Variants in PTCH1 observed in about 807,000 individuals in gnomAD.
PTCH1 encodes the protein patched 1, also known as protein patched homolog 1.
Under a neutral mutation model 144.6 loss-of-function variants are expected in PTCH1, and 14 were observed. That is an observed-to-expected ratio of 0.10 (90% CI 0.06 to 0.15). The LOEUF is 0.15. Ranked by LOEUF, PTCH1 falls within the 10% of genes least tolerant of loss-of-function variation. The probability of loss-of-function intolerance (pLI) is 1.00; values close to 1 mark genes in which losing one functional copy is unlikely to be tolerated. For synonymous variants in PTCH1, 833 were observed against 793.6 expected (o/e 1.05, Z -0.83); for missense variants, 1,623 against 1,948.3 (o/e 0.83, Z 3.14).
rs534065401 is a variant in PTCH1 at position 95,489,602 on chromosome 9, T to G, written c.395-3728A>C. ...CCTCAGCTTAAGTAATCCTCCTGCC[T>G]TGGCCTCCCAAAGTGCTGGGATTTC... On this transcript the variant is annotated intron_variant, in intron 2 of 23. Coordinates refer to ENST00000331920, the MANE Select transcript of PTCH1 (RefSeq NM_000264.5). 2.6e-5 allele frequency among the ~76,000 whole-genome samples: 4 copies of G among 152,300 alleles called. No individual in the cohort carries two copies. In the East Asian group the frequency reaches 7.7e-4, roughly 29 times the overall value.
chr9:95,479,809 A>G, intron 7 of PTCH1, 160 bp downstream of exon 7: 2 of 1,164,368 alleles, frequency 1.7e-6, no homozygotes, highest in Non-Finnish European at 2.5e-6. Context: ...AAGCTGTTGC[A>G]GTCTGCTACT....
At chr9:95,483,860 ACT>A (rs1413263883) in intron 3 of PTCH1, 2 of 152,102 alleles carry the variant, frequency 1.3e-5, no homozygotes, top group African/African-American at 2.4e-5. Context: ...TACTTGATCA[ACT>A]CTCATTTACA....
chr9:95,507,953 C>CA, intron 1 of PTCH1: 1 of 1,467,466 alleles, frequency 6.8e-7, no homozygotes, highest in Non-Finnish European at 9.0e-7. Context: ...CTGCGGACCT[C>CA]AGACAGCCCT....
At position 95,485,658 on chromosome 9, in the gene PTCH1, TTAG is replaced by T; in HGVS notation, c.584+24_584+26del. ...CTCCCACCGCCTTACCTGCTGCTCA[TTAG>T]TAGGTGGACGCGGCGGGCCTTACCT... On this transcript the variant is annotated intron_variant, in intron 3 of 23. Coordinates refer to ENST00000331920, the MANE Select transcript of PTCH1 (RefSeq NM_000264.5). The T allele has an allele frequency of 2.5e-6, 4 of 1,612,548 alleles. No homozygotes were observed. In the South Asian group the frequency reaches 4.4e-5, roughly 18 times the overall value.
rs146371589 is a variant in PTCH1 at position 95,487,173 on chromosome 9, A to G, written c.395-1299T>C. Among the ~76,000 whole-genome samples the G allele has an allele frequency of 3.7e-3, 568 of 152,352 alleles. 4 individuals are homozygous for G. The highest frequency in any genetic ancestry group is 0.013 in the African/African-American group (535 of 41,582). ...AAATAATGCCCTCATTAGGAAAACC[A>G]GTACAAATTCACCGCCTGGCAGGAC... On this transcript the variant is annotated intron_variant, in intron 2 of 23. Transcript: ENST00000331920.
intron 19 of PTCH1, 25 bp downstream of exon 19, chr9:95,456,250 GT>G: frequency 6.2e-7 from 1 of 1,612,136 alleles, no homozygotes. Flanking sequence ...TTTTCACAAA[GT>G]TTTTGCTTCA....
At chr9:95,493,252 C>T (rs565402302) in intron 2 of PTCH1, among the ~76,000 whole-genome samples, 11 of 152,180 alleles carry the variant, frequency 7.2e-5, no homozygotes, top group Admixed American at 2.6e-4. Flanking sequence ...CTGCACAGAG[C>T]TTAAGAAACT....
intron 14 of PTCH1, among the ~76,000 whole-genome samples, chr9:95,468,381 T>C (rs1028865238): frequency 1.3e-5 from 2 of 152,224 alleles, no homozygotes; most frequent in Non-Finnish European, 2.9e-5. Flanking sequence ...AAATATTTTG[T>C]AGAGACAGGG....
chr9:95,455,590 T>C (rs1838840814), intron 19 of PTCH1, among the ~76,000 whole-genome samples: 1 of 152,240 alleles, frequency 6.6e-6, no homozygotes, highest in African/African-American at 2.4e-5. Context: ...AGATTCCTTC[T>C]GAAGTTTAAT....
chr9:95,447,255 C>T lies in PTCH1; in HGVS notation c.4001G>A (p.Ser1334Asn), dbSNP rs200620662. ...GCGAGGGCCCCAGCGGGCCCTATTG[C>T]TAGGGCCAGAATGCCCTTCAGTAGA... ...EISTEGHSGP[S>N]NRARWGPRGA... is the part of the protein sequence containing the mutation. The change falls in exon 23 of 24, where the codon AGC becomes AAC. Residue 1334 changes from serine (S) to asparagine (N), a missense_variant. Physicochemically the swap from Ser to Asn is conservative, Grantham distance 46. Coordinates refer to ENST00000331920, the MANE Select transcript of PTCH1 (RefSeq NM_000264.5). The T allele has an allele frequency of 1.7e-4, 272 of 1,612,824 alleles. No homozygotes were observed. Among genetic ancestry groups the T allele is most frequent in the Non-Finnish European group, 2.1e-4 (243 of 1,179,924 alleles).
chr9:95,486,730 T>C (rs910291539), intron 2 of PTCH1, among the ~76,000 whole-genome samples: 1 of 152,368 alleles, frequency 6.6e-6, no homozygotes, highest in South Asian at 2.1e-4. Flanking sequence ...GCCAAATGCC[T>C]TTTCTCTTCC....
intron 23 of PTCH1, 90 bp from the exon 24 acceptor site, chr9:95,446,481 T>C: frequency 2.0e-6 from 1 of 494,284 alleles, no homozygotes; most frequent in Non-Finnish European, 4.0e-6. Context: ...GCAGTAACCT[T>C]GGTATTAGAA....
rs864622088 is a variant in PTCH1 at position 95,459,774 on chromosome 9, G to T, written c.2713C>A (p.Gln905Lys). 1 of 1,614,174 alleles carries T rather than the reference G, an allele frequency of 6.2e-7. No homozygotes were observed. Among genetic ancestry groups the T allele is most frequent in the Admixed American group, 1.7e-5 (1 of 60,030 alleles). ...KPIDISQLTKQRLVDADGIIN... is the reference protein window; with the variant it reads ...KPIDISQLTKKRLVDADGIIN... The stretch of plus-strand genomic sequence containing the variant: ...ATGCCATCTGCATCCACCAGACGCT[G>T]TTTAGTCAACTACAAAAACGGGAAG... The change falls in exon 17 of 24, where the codon CAG becomes AAG. Residue 905 changes from glutamine to lysine, a missense_variant. Physicochemically the swap from Gln to Lys is moderately conservative, Grantham distance 53. Transcript: ENST00000331920.
rs1184226425 is a variant in PTCH1 at position 95,468,984 on chromosome 9, G to A, written c.2017C>T (p.His673Tyr). 1 of 1,614,046 alleles carries A rather than the reference G, an allele frequency of 6.2e-7. No homozygotes were observed. The highest frequency in any genetic ancestry group is 8.5e-7 in the Non-Finnish European group (1 of 1,180,020). Residue 673 changes from histidine to tyrosine, a missense_variant, in exon 14 of 24, where the codon CAC becomes TAC. Transcript: ENST00000331920. The stretch of plus-strand genomic sequence containing the variant: ...GGCTCAGCGGTGGTGTAGTACACGT[G>A]CGTGTGGGGGTCGTACTCCGTGCGG... ...QLRTEYDPHTHVYYTTAEPRS... is the reference protein window; with the variant it reads ...QLRTEYDPHTYVYYTTAEPRS...
rs2118032385 is a variant in PTCH1, at chr9:95,468,844, G to A, written c.2157C>T (p.Ser719=). ...RDLLSQFSDS[S]LHCLEPPCTK... ...TACAGGGGGGCTCGAGGCAGTGGAG[G>A]CTGGAGTCGGAGAACTGGGAGAGCA... The change falls in exon 14 of 24, where the codon AGC becomes AGT. Residue 719 remains serine, a synonymous_variant. Coordinates refer to ENST00000331920, the MANE Select transcript of PTCH1 (RefSeq NM_000264.5). 2 of 1,614,192 alleles carry A rather than the reference G, an allele frequency of 1.2e-6. No homozygotes were observed. The highest frequency in any genetic ancestry group is 1.7e-6 in the Non-Finnish European group (2 of 1,180,042).
chr9:95,512,527 C>CTG (rs1261776800), upstream of PTCH1, among the ~76,000 whole-genome samples: 1 of 152,242 alleles, frequency 6.6e-6, no homozygotes, highest in Non-Finnish European at 1.5e-5. Flanking sequence ...GTGGTCAGGG[C>CTG]TGAGGCTGCC....
chr9:95,447,669 C>G (rs1403272885), intron 22 of PTCH1, among the ~76,000 whole-genome samples: 2 of 152,260 alleles, frequency 1.3e-5, no homozygotes, highest in South Asian at 2.1e-4. Context: ...CAGGCTTTCT[C>G]TGACACGGCT....
chr9:95,461,801 A>T, intron 16 of PTCH1, 55 bp downstream of exon 16: 1 of 1,610,326 alleles, frequency 6.2e-7, no homozygotes, highest in Non-Finnish European at 8.5e-7. Flanking sequence ...AGCCTCCACC[A>T]GGGCAGCGGC....
chr9:95,477,986 C>A, intron 9 of PTCH1, 69 bp downstream of exon 9: 2 of 1,608,294 alleles, frequency 1.2e-6, no homozygotes, highest in South Asian at 1.1e-5. Context: ...CAGGAGCAGT[C>A]ATGGAAAAGT....
Sources: allele counts gnomAD v4.1 joint callset (sites outside exome capture counted in the v4.1 genomes callset), GRCh38; gene constraint gnomAD v4.1.1; transcripts MANE v1.5; gene names NCBI Gene and HGNC (gene_info 2026-07-23, HGNC 2026-07-21).